Variants in MAGED1 observed in about 807,000 individuals in gnomAD.
MAGED1 encodes the protein melanoma-associated antigen D1.
Under a neutral mutation model 54.1 loss-of-function variants are expected in MAGED1, and 3 were observed. The ratio of observed to expected loss-of-function variants is 0.06; its 90% CI spans 0.03 to 0.14. The LOEUF (loss-of-function observed/expected upper bound fraction) is 0.14, where lower values mean the gene tolerates loss of function less well. MAGED1 is among the 10% of genes least tolerant of loss of function. The probability of loss-of-function intolerance (pLI) is 1.00; values close to 1 mark genes in which losing one functional copy is unlikely to be tolerated. For missense variants in MAGED1, 485 were observed against 623.4 expected, an observed-to-expected ratio of 0.78 and a Z score of 2.36; for synonymous variants, 217 against 227.3, an observed-to-expected ratio of 0.95 and a Z score of 0.41.
intron 1 of MAGED1, among the ~76,000 whole-genome samples, chrX:51,834,916 C>T (rs1926190122): frequency 1.8e-5 from 2 of 112,060 alleles, no homozygotes; most frequent in South Asian, 7.3e-4. Context: ...GGACTTTGAT[C>T]TATTTATTTT....
At position 51,898,611 on chromosome X, in the gene MAGED1, G is replaced by A; in HGVS notation, c.1812G>A (p.Arg604=). 8.3e-7 allele frequency: 1 copy of A among 1,208,841 alleles called. No individual in the cohort carries two copies. The highest frequency in any genetic ancestry group is 1.1e-6 in the Non-Finnish European group (1 of 894,584). ...GVRHPLLGDL[R]KLLTYEFVKQ... ...GACATCCCCTCCTTGGAGATCTAAGGAAACTTCTCACCTATGAGTTTGTAA... is the reference window on the plus strand; with the variant it reads ...GACATCCCCTCCTTGGAGATCTAAGAAAACTTCTCACCTATGAGTTTGTAA... The change falls in exon 10 of 13, where the codon AGG becomes AGA. Residue 604 remains arginine (R), a synonymous_variant. Transcript: ENST00000326587.
At chrX:51,803,438 G>C (rs969428782) in intron 1 of MAGED1, among the ~76,000 whole-genome samples, 7 of 108,428 alleles carry the variant, frequency 6.5e-5, no homozygotes, top group Non-Finnish European at 1.3e-4. Context: ...CTCTACCACA[G>C]GTCACTCCTA....
At chrX:51,890,643 C>T (rs781989009), upstream of MAGED1, among the ~76,000 whole-genome samples, 3 of 111,028 alleles carry the variant, frequency 2.7e-5, no homozygotes, top group South Asian at 7.6e-4. Flanking sequence ...GGATCTATAA[C>T]GCTATATAAA....
rs1410365074 is a variant in MAGED1 at position 51,902,303 on chromosome X, G to A, written c.*166G>A. On this transcript the variant is annotated 3_prime_UTR_variant, in exon 13 of 13. Transcript: ENST00000326587. ...CTTGTCTACTGCTTTTTTTCCCCTTGTGTGCTGTCAAGTTTTGGTATCAGA... is the reference window on the plus strand; with the variant it reads ...CTTGTCTACTGCTTTTTTTCCCCTTATGTGCTGTCAAGTTTTGGTATCAGA... The A allele has an allele frequency of 7.1e-6, 1 of 141,355 alleles. No homozygotes were observed. Among genetic ancestry groups the A allele is most frequent in the Non-Finnish European group, 1.4e-5 (1 of 73,299 alleles). 11.6% of individuals were successfully genotyped at this position (141,355 alleles called of 1,213,427 possible). A position where few individuals can be genotyped will look rare whatever the true frequency, so the allele number is the denominator to read the frequency against.
chrX:51,848,376 G>A (rs1657233048), intron 1 of MAGED1, among the ~76,000 whole-genome samples: 1 of 111,639 alleles, frequency 9.0e-6, no homozygotes, highest in African/African-American at 3.3e-5. Context: ...TTGATGATTT[G>A]CTAGAAGGAT....
At chrX:51,870,329 G>C (rs1927621778) in intron 1 of MAGED1, among the ~76,000 whole-genome samples, 2 of 112,065 alleles carry the variant, frequency 1.8e-5, no homozygotes, top group Non-Finnish European at 3.8e-5. Flanking sequence ...TGCACAAGTA[G>C]TTTGAAATAT....
intron 1 of MAGED1, among the ~76,000 whole-genome samples, chrX:51,884,428 T>A (rs1418746466): frequency 4.5e-5 from 5 of 111,965 alleles, no homozygotes; most frequent in African/African-American, 1.6e-4. Flanking sequence ...AAATAAAATA[T>A]CCTTTAGTAA....
chrX:51,830,995 G>C (rs2028329), intron 1 of MAGED1, among the ~76,000 whole-genome samples: 2,989 of 111,176 alleles, frequency 0.027, 51 homozygotes, highest in Middle Eastern at 0.043. Context: ...CCAAGTAGCC[G>C]GGACTACAGG....
chrX:51,822,210 A>G (rs1925661835), intron 1 of MAGED1, among the ~76,000 whole-genome samples: 1 of 111,856 alleles, frequency 8.9e-6, no homozygotes, highest in Non-Finnish European at 1.9e-5. Context: ...TTTGATTACT[A>G]ATTCAATGTC....
intron 1 of MAGED1, among the ~76,000 whole-genome samples, chrX:51,839,865 C>G (rs1017999264): frequency 2.7e-5 from 3 of 112,004 alleles, no homozygotes; most frequent in African/African-American, 9.7e-5. Flanking sequence ...GAAATCTGTC[C>G]TTCAAATTTT....
At chrX:51,834,463 T>A (rs1484963391) in intron 1 of MAGED1, among the ~76,000 whole-genome samples, 1 of 112,300 alleles carries the variant, frequency 8.9e-6, no homozygotes, top group Non-Finnish European at 1.9e-5. Flanking sequence ...TTGGTGTGTG[T>A]TTGTTTGGTA....
In MAGED1 at chrX:51,887,091, C is replaced by CA. The variant is rs139578352; in HGVS notation, c.-36-7162dup. Among the ~76,000 whole-genome samples the CA allele has an allele frequency of 4.6e-3, 351 of 76,798 alleles. 5 individuals are homozygous for CA. The highest frequency in any genetic ancestry group is 0.016 in the African/African-American group (325 of 20,155). 66.7% of individuals were successfully genotyped at this position (76,798 alleles called of 115,157 possible). On this transcript the variant is annotated intron_variant, in intron 1 of 12. Transcript: ENST00000375772. Reference sequence around the variant, plus strand: ...AGAAAAAAAAGAGAATACAATGACTCAAAAAAAAAAAAAAAAGGTGAAATA... The same window carrying CA: ...AGAAAAAAAAGAGAATACAATGACTCAAAAAAAAAAAAAAAAAGGTGAAATA...
At chrX:51,805,154 A>G (rs1482758167) in intron 1 of MAGED1, among the ~76,000 whole-genome samples, 1 of 112,012 alleles carries the variant, frequency 8.9e-6, no homozygotes, top group Non-Finnish European at 1.9e-5. Flanking sequence ...ATTGTGTGCT[A>G]TCCTACAGGA....
Position 51,901,618 on chromosome X carries a change from T to C in MAGED1, c.2025T>C (p.Asp675=), listed in dbSNP as rs144656819. 1,728 of 1,205,592 alleles carry C rather than the reference T, an allele frequency of 1.4e-3. 12 individuals are homozygous for C. In the African/African-American group the frequency reaches 0.026, roughly 18 times the overall value. The part of the protein sequence containing the change: ...QFMEAADEAL[D]ALDAAAAEAE... ...TGGAGGCTGCAGATGAGGCCTTGGA[T>C]GCTCTGGATGCTGCTGCAGCTGAGG... Residue 675 remains aspartate (D), a synonymous_variant, in exon 12 of 13, where the codon GAT becomes GAC. Coordinates refer to ENST00000326587, the MANE Select transcript of MAGED1 (RefSeq NM_006986.4).
chrX:51,848,131 G>T (rs981965561), intron 1 of MAGED1, among the ~76,000 whole-genome samples: 1 of 111,435 alleles, frequency 9.0e-6, no homozygotes, highest in East Asian at 2.8e-4. Flanking sequence ...AAACTAGGGG[G>T]ATTTGACATC....
chrX:51,839,518 T>C (rs1926376948), intron 1 of MAGED1, among the ~76,000 whole-genome samples: 1 of 111,919 alleles, frequency 8.9e-6, no homozygotes, highest in Non-Finnish European at 1.9e-5. Flanking sequence ...TAAGAAAATA[T>C]GTATGCTTCT....
At chrX:51,809,991 C>T (rs1402255197) in intron 1 of MAGED1, among the ~76,000 whole-genome samples, 1 of 111,626 alleles carries the variant, frequency 9.0e-6, no homozygotes, top group African/African-American at 3.3e-5. Context: ...TATCAGTGTT[C>T]ATAGTAATGA....
At chrX:51,862,698 T>C (rs1927324150) in intron 1 of MAGED1, among the ~76,000 whole-genome samples, 1 of 111,714 alleles carries the variant, frequency 9.0e-6, no homozygotes, top group Admixed American at 9.6e-5. Context: ...TGATTTTAGC[T>C]TCTCTGAGAA....
chrX:51,896,495 TCCAGTGA>T lies in MAGED1; in HGVS notation c.844_850del (p.Val282LeufsTer59). 8.3e-7 allele frequency: 1 copy of T among 1,211,563 alleles called. No individual in the cohort carries two copies. Among genetic ancestry groups the T allele is most frequent in the Non-Finnish European group, 1.1e-6 (1 of 895,298 alleles). Reference sequence around the variant, plus strand: ...CAGGGACCTGGAGGTCTGCACCAGTTCCAGTGACCACTCAGAACCCACCTGGCGCACC... The same window carrying T: ...CAGGGACCTGGAGGTCTGCACCAGTTCCACTCAGAACCCACCTGGCGCACC... On this transcript the variant is annotated frameshift_variant, in exon 4 of 13. Transcript: ENST00000326587. LOFTEE classifies it high-confidence loss of function.
Sources: allele counts gnomAD v4.1 joint callset (sites outside exome capture counted in the v4.1 genomes callset), GRCh38; gene constraint gnomAD v4.1.1; transcripts MANE v1.5; gene names NCBI Gene and HGNC (gene_info 2026-07-23, HGNC 2026-07-21).